Variants in WDFY4 observed in about 807,000 individuals in gnomAD.
WDFY4 encodes WDFY family member 4.
Under a neutral mutation model 351.9 loss-of-function variants are expected in WDFY4, and 169 were observed. That is an observed-to-expected ratio of 0.48 (90% confidence interval 0.42 to 0.55). The LOEUF (loss-of-function observed/expected upper bound fraction) is 0.55, where lower values mean the gene tolerates loss of function less well. Among genes scored for constraint, WDFY4 ranks in the 20% least tolerant of loss-of-function variants. WDFY4 has a pLI of 0.00. For missense variants in WDFY4, 3,803 were observed against 3,935.6 expected (o/e 0.97, Z 0.90); for synonymous variants, 1,622 against 1,574.6 (o/e 1.03, Z -0.71).
At chr10:48,868,034 A>G (rs2069615696) in intron 40 of WDFY4, among the ~76,000 whole-genome samples, 1 of 152,172 alleles carries the variant, frequency 6.6e-6, no homozygotes. Context: ...ATGTTCTACT[A>G]TGGGGAAAGG....
intron 8 of WDFY4, among the ~76,000 whole-genome samples, 184 bp from the exon 9 acceptor site, chr10:48,730,926 C>T (rs1185365400): frequency 6.6e-6 from 1 of 152,194 alleles, no homozygotes; most frequent in Non-Finnish European, 1.5e-5. Flanking sequence ...CATCTTGGAC[C>T]ATGCTGCACT....
chr10:48,868,986 T>A (rs1045781740), intron 40 of WDFY4, among the ~76,000 whole-genome samples: 1 of 152,200 alleles, frequency 6.6e-6, no homozygotes, highest in Admixed American at 6.5e-5. Context: ...AGAAAGGACT[T>A]GAGAAAGTTG....
In WDFY4 at chr10:48,886,953, G is replaced by A. The variant is rs182476222; in HGVS notation, c.7168-3626G>A. 3.9e-5 allele frequency among the ~76,000 whole-genome samples: 6 copies of A among 152,360 alleles called. No individual in the cohort carries two copies. The East Asian group carries it at 1.2e-3, about 29-fold the overall frequency. ...GATTTCTTAATCATGAGTAAACTTAGGGATGGAGCCCTCCTAGGGCTAATT... is the reference window on the plus strand; with the variant it reads ...GATTTCTTAATCATGAGTAAACTTAAGGATGGAGCCCTCCTAGGGCTAATT... On this transcript the variant is annotated intron_variant, in intron 43 of 61. Coordinates refer to ENST00000325239, the MANE Select transcript of WDFY4 (RefSeq NM_001394531.1).
At chr10:48,701,856 C>G (rs1329865377) in intron 1 of WDFY4, among the ~76,000 whole-genome samples, 1 of 152,122 alleles carries the variant, frequency 6.6e-6, no homozygotes, top group Non-Finnish European at 1.5e-5. Flanking sequence ...AAATGCAGAG[C>G]TACTATAAAG....
chr10:48,702,830 C>T (rs1330989897), intron 1 of WDFY4, among the ~76,000 whole-genome samples: 10 of 152,194 alleles, frequency 6.6e-5, no homozygotes, highest in Non-Finnish European at 1.2e-4. Context: ...GGCAGTGCCA[C>T]GTTTGCATTC....
intron 39 of WDFY4, among the ~76,000 whole-genome samples, chr10:48,836,513 A>G (rs2068399492): frequency 6.6e-6 from 1 of 152,250 alleles, no homozygotes; most frequent in African/African-American, 2.4e-5. Context: ...TTATCATGTC[A>G]GCAGCTGATA....
At chr10:48,910,395 T>G in intron 47 of WDFY4, 1 of 754,522 alleles carries the variant, frequency 1.3e-6, no homozygotes, top group Non-Finnish European at 2.4e-6. Flanking sequence ...ATGGGGGTTT[T>G]GTTGTATTTG....
chr10:48,781,256 G>A (rs1016737809), intron 19 of WDFY4, among the ~76,000 whole-genome samples: 1 of 150,894 alleles, frequency 6.6e-6, no homozygotes, highest in Non-Finnish European at 1.5e-5. Flanking sequence ...ATATATATAT[G>A]TGTGTGTGTG....
intron 12 of WDFY4, among the ~76,000 whole-genome samples, chr10:48,751,921 C>T (rs1242618893): frequency 6.6e-6 from 1 of 152,156 alleles, no homozygotes; most frequent in African/African-American, 2.4e-5. Context: ...CCTGCAAAGG[C>T]CCCTAGGCTT....
At chr10:48,802,103 G>A (rs1397153144) in intron 24 of WDFY4, among the ~76,000 whole-genome samples, 1 of 151,502 alleles carries the variant, frequency 6.6e-6, no homozygotes, top group African/African-American at 2.4e-5. Context: ...GGCCGGGTAC[G>A]GTGGCTCACA....
chr10:48,802,214 A>C (rs2067109945), intron 24 of WDFY4, among the ~76,000 whole-genome samples: 1 of 152,132 alleles, frequency 6.6e-6, no homozygotes. Context: ...ACTCTACAAA[A>C]AAATTTTAAC....
At chr10:48,970,797 T>C (rs1842305767) in intron 57 of WDFY4, among the ~76,000 whole-genome samples, 1 of 152,166 alleles carries the variant, frequency 6.6e-6, no homozygotes, top group Non-Finnish European at 1.5e-5. Context: ...GAAGTTTAAG[T>C]GGTACATCCA....
chr10:48,789,485 G>A (rs2132733324), intron 21 of WDFY4, among the ~76,000 whole-genome samples: 1 of 152,322 alleles, frequency 6.6e-6, no homozygotes, highest in South Asian at 2.1e-4. Context: ...TTTGACATCT[G>A]TAGAGATTGG....
chr10:48,901,233 T>G (rs1446463980), intron 46 of WDFY4, among the ~76,000 whole-genome samples: 1 of 152,268 alleles, frequency 6.6e-6, no homozygotes, highest in Non-Finnish European at 1.5e-5. Context: ...GCTGCTAGAT[T>G]GCCCCCTAAA....
At chr10:48,873,973 G>A (rs11101542) in intron 41 of WDFY4, among the ~76,000 whole-genome samples, 3,714 of 152,244 alleles carry the variant, frequency 0.024, 157 homozygotes, top group African/African-American at 0.084. Flanking sequence ...TATGCTGCAG[G>A]CACAGCCCTG....
intron 15 of WDFY4, 54 bp from the exon 16 acceptor site, chr10:48,776,692 AAGCG>A (rs770717902): frequency 0.044 from 62,489 of 1,418,062 alleles, 1,639 homozygotes; most frequent in Middle Eastern, 0.055. Context: ...TTATTGTCAG[AAGCG>A]AGACAGAAAT....
intron 39 of WDFY4, among the ~76,000 whole-genome samples, chr10:48,837,206 G>T (rs2068430849): frequency 3.3e-5 from 5 of 151,812 alleles, no homozygotes; most frequent in Admixed American, 3.3e-4. Context: ...TTAGGAAGGG[G>T]CCATGGAGGA....
chr10:48,879,398 C>T (rs1439934033), intron 43 of WDFY4, among the ~76,000 whole-genome samples: 1 of 152,236 alleles, frequency 6.6e-6, no homozygotes, highest in Non-Finnish European at 1.5e-5. Context: ...AAACAGATAT[C>T]ATGCTCCAGC....
intron 6 of WDFY4, 23 bp downstream of exon 6, chr10:48,726,093 T>TG (rs1237478728): frequency 6.6e-7 from 1 of 1,526,608 alleles, no homozygotes; most frequent in South Asian, 1.2e-5. Flanking sequence ...AAATTAGATG[T>TG]GGGCTGTGGG....
Sources: gnomAD v4.1 joint callset for allele counts (sites outside exome capture counted in the v4.1 genomes callset) on GRCh38, gnomAD v4.1.1 for gene constraint, MANE v1.5 for transcripts, NCBI Gene and HGNC (gene_info 2026-07-23, HGNC 2026-07-21) for gene names.